Variants in COL12A1 observed in about 807,000 individuals in gnomAD.
COL12A1 encodes the protein collagen type XII alpha 1 chain, also known as collagen alpha-1(XII) chain.
COL12A1 carries 114 observed loss-of-function variants against 349.7 expected under a neutral mutation model. That is an observed-to-expected ratio of 0.33 (90% confidence interval 0.28 to 0.38). COL12A1 has a LOEUF of 0.38. Ranked by LOEUF, COL12A1 falls within the 10% of genes least tolerant of loss-of-function variation. The pLI, the probability that COL12A1 is intolerant of heterozygous loss-of-function variation, is 1.00. For missense variants in COL12A1, 3,284 were observed against 3,756.9 expected (o/e 0.87, Z 3.29); for synonymous variants, 1,369 against 1,329.0 (o/e 1.03, Z -0.66).
chr6:75,175,306 T>G lies in COL12A1; in HGVS notation c.2442A>C (p.Arg814Ser), dbSNP rs1380040730. The G allele has an allele frequency of 1.2e-6, 2 of 1,605,716 alleles. No homozygotes were observed. The highest frequency in any genetic ancestry group is 1.7e-6 in the Non-Finnish European group (2 of 1,176,760). The part of the protein sequence containing the change: ...LTGNAATEEV[R>S]GNPRDLRVSD... ...AAACTCTTAAGTCTCTTGGATTCCC[T>G]CTAACTTCATTAAAAAATGACAACA... Residue 814 changes from arginine (R) to serine (S), a missense_variant, in exon 13 of 66, where the codon AGA (arginine) becomes AGC (serine). Arg to Ser is a moderately radical substitution (Grantham distance 110, BLOSUM62 -1). This residue lies in a region of COL12A1 where 2,601 missense variants were observed against 2,824.8 expected (regional missense o/e 0.92). Coordinates refer to ENST00000322507, the MANE Select transcript of COL12A1 (RefSeq NM_004370.6).
rs535378306 is a variant in COL12A1 at position 75,152,051 on chromosome 6, A to C, written c.3836-20T>G. On this transcript the variant is annotated intron_variant, in intron 19 of 65. Transcript: ENST00000322507. The stretch of plus-strand genomic sequence containing the variant: ...CCATGCCTAGTGGGATTTTTAAAAG[A>C]GAATCAGTCACATCACCATTCAGCC... The C allele has an allele frequency of 1.2e-6, 2 of 1,613,778 alleles. No individual in the cohort carries two copies. The highest frequency in any genetic ancestry group is 1.1e-5 in the South Asian group (1 of 91,078).
At chr6:75,120,339 A>G (rs914156576) in intron 44 of COL12A1, among the ~76,000 whole-genome samples, 5 of 152,198 alleles carry the variant, frequency 3.3e-5, no homozygotes, top group Non-Finnish European at 7.4e-5. Flanking sequence ...ATTCCATAAA[A>G]GAGGACAAGT....
At chr6:75,160,016 CA>C (rs1262913864) in intron 14 of COL12A1, among the ~76,000 whole-genome samples, 1 of 151,308 alleles carries the variant, frequency 6.6e-6, no homozygotes, top group African/African-American at 2.4e-5. Flanking sequence ...TACAGTATAG[CA>C]TATCTCATCC....
chr6:75,150,624 A>T (rs1400336296), intron 21 of COL12A1, among the ~76,000 whole-genome samples: 5 of 152,174 alleles, frequency 3.3e-5, no homozygotes, highest in South Asian at 2.1e-4. Context: ...TAGGAAATTT[A>T]AAAAAGGTAC....
At chr6:75,095,707 T>C (rs879479497) in intron 59 of COL12A1, among the ~76,000 whole-genome samples, 59 of 151,556 alleles carry the variant, frequency 3.9e-4, no homozygotes, top group African/African-American at 1.1e-3. Context: ...ATGGACTATA[T>C]AGTTTTAAAA....
rs772305740 is a variant in COL12A1, at chr6:75,119,121, G to A, written c.7276C>T (p.Pro2426Ser). 1.9e-6 allele frequency: 3 copies of A among 1,613,694 alleles called. No homozygotes were observed. The highest frequency in any genetic ancestry group is 1.3e-5 in the African/African-American group (1 of 74,822). The part of the protein sequence containing the change: ...TWESGMRKNV[P>S]KVLVVVTDGR... ...TCCGTGACCACAACCAACACCTTAG[G>A]GACATTCTTCCTCATGCCGCTCTCC... The change falls in exon 46 of 66, where the codon CCT becomes TCT. Residue 2426 changes from proline to serine, a missense_variant. By Grantham distance (74) the Pro-to-Ser change is moderately conservative (BLOSUM62 -1). Coordinates refer to ENST00000322507, the MANE Select transcript of COL12A1 (RefSeq NM_004370.6).
Position 75,153,242 on chromosome 6 carries a change from GCAAA to G in COL12A1, c.3566-764_3566-761del, listed in dbSNP as rs1186659020. On this transcript the variant is annotated intron_variant, in intron 17 of 65. Transcript: ENST00000322507. ...GAAGGAAGACAATTTAGAAAAGTAT[GCAAA>G]CAAATATACAAATTGAGAGCTGTAA... 3.9e-5 allele frequency among the ~76,000 whole-genome samples: 6 copies of G among 152,068 alleles called. No individual in the cohort carries two copies. The South Asian group carries it at 1.2e-3, about 32-fold the overall frequency.
intron 3 of COL12A1, among the ~76,000 whole-genome samples, chr6:75,194,455 G>A (rs1770114610): frequency 6.6e-6 from 1 of 152,098 alleles, no homozygotes; most frequent in African/African-American, 2.4e-5. Flanking sequence ...TGGGTAAGGT[G>A]TAACAACTTA....
Position 75,189,354 on chromosome 6 carries a change from T to C in COL12A1, c.686A>G (p.Asn229Ser). The change falls in exon 7 of 66, where the codon AAT becomes AGT. Residue 229 changes from asparagine (N) to serine (S), a missense_variant. Transcript: ENST00000322507. Reference protein sequence around the residue: ...TGDAIDYLVKNTFTESAGARV... With the variant: ...TGDAIDYLVKSTFTESAGARV... The stretch of plus-strand genomic sequence containing the variant: ...TGCCCCAGCAGATTCCGTGAAAGTA[T>C]TTTTAACTAAATAATCAATGGCATC... 1.2e-6 allele frequency: 2 copies of C among 1,612,904 alleles called. No individual in the cohort carries two copies. The highest frequency in any genetic ancestry group is 2.2e-5 in the South Asian group (2 of 91,004).
rs1769411099 is a variant in COL12A1, at chr6:75,183,176, A to G, written c.1765T>C (p.Ser589Pro). The G allele has an allele frequency of 6.2e-7, 1 of 1,614,034 alleles. No individual in the cohort carries two copies. The highest frequency in any genetic ancestry group is 8.5e-7 in the Non-Finnish European group (1 of 1,180,040). Reference sequence around the variant, plus strand: ...AACACATGGGTCTCTGCAGGAGGAGAGGCAATAGCTTCCAATTCTGAGCGA... The same window carrying G: ...AACACATGGGTCTCTGCAGGAGGAGGGGCAATAGCTTCCAATTCTGAGCGA... ...AVRSELEAIA[S>P]PPAETHVFTV... is the part of the protein sequence containing the mutation. Residue 589 changes from serine (S) to proline (P), a missense_variant, in exon 10 of 66, where the codon TCT (serine) becomes CCT (proline). Around this residue, in one of 2 missense-constraint regions of COL12A1, gnomAD observed 2,601 missense variants for 2,824.8 expected, o/e 0.92. Coordinates refer to ENST00000322507, the MANE Select transcript of COL12A1 (RefSeq NM_004370.6).
At chr6:75,156,908 G>T (rs1372067359) in intron 14 of COL12A1, among the ~76,000 whole-genome samples, 1 of 152,088 alleles carries the variant, frequency 6.6e-6, no homozygotes, top group East Asian at 1.9e-4. Context: ...TGAATGCAGG[G>T]TTGGACATTT....
chr6:75,134,117 TG>T, intron 32 of COL12A1, 120 bp from the exon 33 acceptor site: 1 of 1,083,458 alleles, frequency 9.2e-7, no homozygotes. Flanking sequence ...AAACATTTGT[TG>T]AAGTAGTGAA....
chr6:75,137,468 T>A lies in COL12A1; in HGVS notation c.5363A>T (p.Gln1788Leu). The A allele has an allele frequency of 6.2e-7, 1 of 1,613,138 alleles. No individual in the cohort carries two copies. The highest frequency in any genetic ancestry group is 8.5e-7 in the Non-Finnish European group (1 of 1,179,568). The stretch of plus-strand genomic sequence containing the variant: ...CTCATTGCCTTCCCCTGTGGAAGGC[T>A]GATAAGTGATCCTATATTTCTGCAC... ...GRVQKYRITY[Q>L]PSTGEGNEQT... is the part of the protein sequence containing the mutation. Residue 1788 changes from glutamine to leucine, a missense_variant, in exon 31 of 66, where the codon CAG (glutamine) becomes CTG (leucine). This residue lies in a region of COL12A1 where 2,601 missense variants were observed against 2,824.8 expected (regional missense o/e 0.92). Coordinates refer to ENST00000322507, the MANE Select transcript of COL12A1 (RefSeq NM_004370.6).
chr6:75,180,933 T>C lies in COL12A1; in HGVS notation c.2164+6A>G, dbSNP rs746467248. On this transcript the variant is annotated splice_donor_region_variant and intron_variant, in intron 11 of 65. Transcript: ENST00000322507. Reference sequence around the variant, plus strand: ...CTGAATAACAGTGGCAGAAACCCCATCACACCTTCTTCGGTGGTCTCCTCT... The same window carrying C: ...CTGAATAACAGTGGCAGAAACCCCACCACACCTTCTTCGGTGGTCTCCTCT... The C allele has an allele frequency of 1.2e-6, 2 of 1,607,436 alleles. No individual in the cohort carries two copies. Among genetic ancestry groups the C allele is most frequent in the Non-Finnish European group, 1.7e-6 (2 of 1,174,954 alleles).
Position 75,095,091 on chromosome 6 carries a change from G to A in COL12A1, c.8649+17C>T. 1 of 1,612,396 alleles carries A rather than the reference G, an allele frequency of 6.2e-7. No homozygotes were observed. Among genetic ancestry groups the A allele is most frequent in the Non-Finnish European group, 8.5e-7 (1 of 1,178,880 alleles). ...CGGTGAAACCACTGTCAGTAGACAT[G>A]CAAGCTGTCCGCTTACTGGTCTGCC... is the stretch of plus-strand genomic sequence containing the variant. On this transcript the variant is annotated intron_variant, in intron 60 of 65. Coordinates refer to ENST00000322507, the MANE Select transcript of COL12A1 (RefSeq NM_004370.6).
chr6:75,102,689 G>A lies in COL12A1; in HGVS notation c.8323C>T (p.Pro2775Ser). ...GERGISGAIGPPGPRGDIGPP... is the reference protein window; with the variant it reads ...GERGISGAIGSPGPRGDIGPP... ...CCTATGTCTCCACGAGGACCAGGGG[G>A]CCCCTAAAATACACAAGAGAGAGAC... The change falls in exon 56 of 66, where the codon CCC (proline) becomes TCC (serine). Residue 2775 changes from proline to serine, a missense_variant. Physicochemically the swap from Pro to Ser is moderately conservative, Grantham distance 74. Around this residue, in one of 2 missense-constraint regions of COL12A1, gnomAD observed 683 missense variants for 932.1 expected, o/e 0.73. Transcript: ENST00000322507. 6.5e-7 allele frequency: 1 copy of A among 1,540,758 alleles called. No homozygotes were observed. The highest frequency in any genetic ancestry group is 8.7e-7 in the Non-Finnish European group (1 of 1,147,896).
At chr6:75,091,649 C>T in intron 60 of COL12A1, 124 bp from the exon 61 acceptor site, 1 of 838,960 alleles carries the variant, frequency 1.2e-6, no homozygotes, top group Non-Finnish European at 1.9e-6. Flanking sequence ...TGACACATCA[C>T]ATTTATATCC....
At position 75,183,858 on chromosome 6, in the gene COL12A1, T is replaced by C; in HGVS notation, c.1284A>G (p.Gln428=). 1 of 1,614,022 alleles carries C rather than the reference T, an allele frequency of 6.2e-7. No individual in the cohort carries two copies. The highest frequency in any genetic ancestry group is 1.1e-5 in the South Asian group (1 of 91,074). ...ATGATGCACACATTGACTTACCCACTTGAACTTTCATTGGCTGAGTCTTCT... is the reference window on the plus strand; with the variant it reads ...ATGATGCACACATTGACTTACCCACCTGAACTTTCATTGGCTGAGTCTTCT... ...IMEKTQPMKV[Q]VECSRGVDIK... Residue 428 remains glutamine, a synonymous_variant, in exon 9 of 66, where the codon CAA becomes CAG. Transcript: ENST00000322507.
At position 75,148,191 on chromosome 6, in the gene COL12A1, C is replaced by T. The variant is rs184766; in HGVS notation, c.4287+167G>A. Among the ~76,000 whole-genome samples, 53,913 of 151,882 alleles carry T rather than the reference C, an allele frequency of 0.35. 10,505 individuals carry two copies. The highest frequency in any genetic ancestry group is 0.54 in the African/African-American group (22,292 of 41,400). On this transcript the variant is annotated intron_variant, in intron 22 of 65. Coordinates refer to ENST00000322507, the MANE Select transcript of COL12A1 (RefSeq NM_004370.6). Reference sequence around the variant, plus strand: ...CTCTTTCCCTTTAATTAAAGCCAGACGGAAATGCCTGCCTAGCAAAGTCAA... The same window carrying T: ...CTCTTTCCCTTTAATTAAAGCCAGATGGAAATGCCTGCCTAGCAAAGTCAA...
Sources: allele counts gnomAD v4.1 joint callset (sites outside exome capture counted in the v4.1 genomes callset), GRCh38; gene constraint gnomAD v4.1.1; regional missense constraint gnomAD v4.1.1; transcripts MANE v1.5; gene names NCBI Gene and HGNC (gene_info 2026-07-23, HGNC 2026-07-21).